RGS5: variants seen among roughly 807,000 people sequenced by gnomAD.
RGS5 encodes regulator of G-protein signalling 5.
A neutral mutation model predicts 18.9 loss-of-function variants in RGS5; 20 were observed. The observed-to-expected ratio is 1.06, with a 90% CI of 0.74 to 1.54. The LOEUF (loss-of-function observed/expected upper bound fraction) is 1.54, where lower values mean the gene tolerates loss of function less well. Among genes scored for constraint, RGS5 ranks in the 40% most tolerant of loss-of-function variants. The pLI is 0.00. For missense variants in RGS5, 201 were observed against 211.8 expected (o/e 0.95, Z 0.32); for synonymous variants, 57 against 76.2 (o/e 0.75, Z 1.31).
intron 2 of RGS5, among the ~76,000 whole-genome samples, chr1:163,240,363 A>G (rs975951033): frequency 3.9e-5 from 6 of 152,114 alleles, no homozygotes; most frequent in African/African-American, 7.2e-5. Flanking sequence ...CCTTACCAAA[A>G]GAATGTATAC....
intron 2 of RGS5, among the ~76,000 whole-genome samples, chr1:163,288,709 A>G (rs1458978066): frequency 6.6e-6 from 1 of 152,120 alleles, no homozygotes; most frequent in Non-Finnish European, 1.5e-5. Context: ...GCTGACTCCC[A>G]TATATATCAC....
At chr1:163,309,208 C>T (rs1006490275) in intron 1 of RGS5, among the ~76,000 whole-genome samples, 4 of 152,054 alleles carry the variant, frequency 2.6e-5, no homozygotes, top group African/African-American at 7.2e-5. Flanking sequence ...GAAAAAAAAG[C>T]GGGGGTGGTG....
rs1247217991 is a variant in RGS5 at position 163,197,903 on chromosome 1, A to C, written c.44+4889T>G. Reference sequence around the variant, plus strand: ...TGTTCAAGCTAATTGCCAGTCTTTAATTCACTTGGTGCTTGCCTTTTCTCT... The same window carrying C: ...TGTTCAAGCTAATTGCCAGTCTTTACTTCACTTGGTGCTTGCCTTTTCTCT... On this transcript the variant is annotated intron_variant, in intron 1 of 4. Transcript: ENST00000313961. 4.6e-5 allele frequency among the ~76,000 whole-genome samples: 7 copies of C among 152,256 alleles called. No individual in the cohort carries two copies. The East Asian group carries it at 1.4e-3, about 29-fold the overall frequency.
intron 1 of RGS5, among the ~76,000 whole-genome samples, chr1:163,215,079 T>A (rs575123642): frequency 4.6e-5 from 7 of 152,338 alleles, no homozygotes; most frequent in African/African-American, 1.7e-4. Flanking sequence ...GTTTTGTGTA[T>A]TTATTTTAAA....
chr1:163,284,366 C>T (rs1454573709), intron 2 of RGS5, among the ~76,000 whole-genome samples: 1 of 152,138 alleles, frequency 6.6e-6, no homozygotes, highest in East Asian at 1.9e-4. Flanking sequence ...ACAGAGTCAC[C>T]TACTCTAAGT....
chr1:163,162,278 G>T (rs1053374369), intron 2 of RGS5, among the ~76,000 whole-genome samples: 3 of 152,122 alleles, frequency 2.0e-5, no homozygotes, highest in African/African-American at 7.2e-5. Context: ...TGTATCCCAT[G>T]AAAGTTGTTC....
At chr1:163,264,911 C>A (rs1168056152) in intron 2 of RGS5, among the ~76,000 whole-genome samples, 1 of 152,082 alleles carries the variant, frequency 6.6e-6, no homozygotes, top group African/African-American at 2.4e-5. Context: ...AATCCATAGA[C>A]CCTTACCCCT....
At chr1:163,237,560 CTG>C (rs1647663145) in intron 2 of RGS5, among the ~76,000 whole-genome samples, 1 of 152,066 alleles carries the variant, frequency 6.6e-6, no homozygotes, top group African/African-American at 2.4e-5. Flanking sequence ...TGGCGTGCAC[CTG>C]TAGTCCCAGC....
chr1:163,191,152 T>C (rs1437731122), intron 1 of RGS5, among the ~76,000 whole-genome samples: 1 of 152,076 alleles, frequency 6.6e-6, no homozygotes, highest in Non-Finnish European at 1.5e-5. Flanking sequence ...GTCCTGTTTG[T>C]CAGCAAAAGA....
intron 1 of RGS5, among the ~76,000 whole-genome samples, chr1:163,312,720 G>A (rs1649902362): frequency 6.6e-6 from 1 of 152,226 alleles, no homozygotes. Flanking sequence ...GACTCCAGCA[G>A]ATATAAGAGC....
intron 2 of RGS5, among the ~76,000 whole-genome samples, chr1:163,282,680 A>C (rs1649026108): frequency 6.6e-6 from 1 of 152,176 alleles, no homozygotes; most frequent in Non-Finnish European, 1.5e-5. Flanking sequence ...ACTGCACTCT[A>C]GCCTGGGGGA....
At chr1:163,278,986 C>T (rs1648926929) in intron 2 of RGS5, among the ~76,000 whole-genome samples, 1 of 151,976 alleles carries the variant, frequency 6.6e-6, no homozygotes, top group African/African-American at 2.4e-5. Flanking sequence ...CAGCAAGACG[C>T]TATAACATTT....
At chr1:163,170,837 G>A (rs1230706171) in intron 1 of RGS5, among the ~76,000 whole-genome samples, 1 of 152,114 alleles carries the variant, frequency 6.6e-6, no homozygotes, top group African/African-American at 2.4e-5. Context: ...GTTCTGCCGA[G>A]GGAGCTTATA....
chr1:163,168,406 A>T, intron 1 of RGS5, 38 bp from the exon 2 acceptor site: 1 of 1,380,984 alleles, frequency 7.2e-7, no homozygotes, highest in Non-Finnish European at 1.0e-6. Flanking sequence ...AGGACACCAC[A>T]TGTGCATACA....
chr1:163,227,273 A>G (rs1049246135), intron 2 of RGS5, among the ~76,000 whole-genome samples: 1 of 152,202 alleles, frequency 6.6e-6, no homozygotes, highest in African/African-American at 2.4e-5. Flanking sequence ...TGAGTAATTT[A>G]TTAAGAAAAC....
intron 2 of RGS5, among the ~76,000 whole-genome samples, chr1:163,236,240 C>T (rs574739124): frequency 1.3e-5 from 2 of 151,948 alleles, no homozygotes; most frequent in Non-Finnish European, 2.9e-5. Flanking sequence ...ACCTCATTGA[C>T]ACTCTCAACC....
intron 2 of RGS5, among the ~76,000 whole-genome samples, chr1:163,254,265 C>A (rs1455059152): frequency 1.3e-5 from 2 of 150,148 alleles, no homozygotes; most frequent in African/African-American, 2.5e-5. Context: ...ACAGTCCCAC[C>A]AACAGTGTAA....
intron 4 of RGS5, among the ~76,000 whole-genome samples, chr1:163,150,097 C>A (rs1219302946): frequency 6.6e-6 from 1 of 152,168 alleles, no homozygotes; most frequent in Non-Finnish European, 1.5e-5. Flanking sequence ...TAATACCCAG[C>A]TCAGGATCAT....
At chr1:163,245,223 T>G (rs1402810751) in intron 2 of RGS5, among the ~76,000 whole-genome samples, 1 of 152,240 alleles carries the variant, frequency 6.6e-6, no homozygotes, top group Non-Finnish European at 1.5e-5. Flanking sequence ...CACTCACTTC[T>G]ACTTTTCCAG....
Sources: allele counts gnomAD v4.1 joint callset (sites outside exome capture counted in the v4.1 genomes callset), GRCh38; gene constraint gnomAD v4.1.1; transcripts MANE v1.5; gene names NCBI Gene and HGNC (gene_info 2026-07-23, HGNC 2026-07-21).